Variants in ZSWIM5 observed in about 807,000 individuals in gnomAD.
ZSWIM5 encodes zinc finger SWIM domain-containing protein 5.
ZSWIM5 carries 55 observed loss-of-function variants against 119.6 expected under a neutral mutation model. That is an observed-to-expected ratio of 0.46 (90% CI 0.37 to 0.58). ZSWIM5 has a LOEUF of 0.58. ZSWIM5 is among the 20% of genes least tolerant of loss of function. The probability of loss-of-function intolerance (pLI) is 0.00; values close to 1 mark genes in which losing one functional copy is unlikely to be tolerated. For missense variants in ZSWIM5, 1,193 were observed against 1,512.8 expected, an observed-to-expected ratio of 0.79 and a Z score of 3.51; for synonymous variants, 537 against 606.9, an observed-to-expected ratio of 0.88 and a Z score of 1.69.
intron 4 of ZSWIM5, among the ~76,000 whole-genome samples, chr1:45,056,893 C>T (rs769165860): frequency 1.3e-5 from 2 of 152,092 alleles, no homozygotes; most frequent in African/African-American, 4.8e-5. Flanking sequence ...CATGTGTGAT[C>T]GGTCCCATTT....
intron 1 of ZSWIM5, among the ~76,000 whole-genome samples, chr1:45,115,052 C>G (rs141578964): frequency 2.1e-4 from 32 of 152,386 alleles, no homozygotes; most frequent in African/African-American, 7.7e-4. Flanking sequence ...TCTTTCCACA[C>G]AGACACAGTA....
intron 1 of ZSWIM5, among the ~76,000 whole-genome samples, chr1:45,158,053 A>G (rs1429595340): frequency 2.6e-5 from 4 of 152,166 alleles, no homozygotes; most frequent in South Asian, 4.1e-4. Flanking sequence ...TAGCTATCTT[A>G]AATACCAATT....
At chr1:45,127,927 A>C (rs1346207053) in intron 1 of ZSWIM5, among the ~76,000 whole-genome samples, 3 of 152,238 alleles carry the variant, frequency 2.0e-5, no homozygotes, top group African/African-American at 7.2e-5. Context: ...ATCTAACAAA[A>C]CATATACAGA....
intron 1 of ZSWIM5, among the ~76,000 whole-genome samples, chr1:45,091,326 T>A (rs969144040): frequency 6.6e-6 from 1 of 152,000 alleles, no homozygotes; most frequent in Non-Finnish European, 1.5e-5. Flanking sequence ...CATTAAAATT[T>A]CAAACTAAAT....
chr1:45,205,502 G>C (rs1171262449), intron 1 of ZSWIM5, among the ~76,000 whole-genome samples: 1 of 151,926 alleles, frequency 6.6e-6, no homozygotes, highest in Non-Finnish European at 1.5e-5. Context: ...TTGGTGTGGG[G>C]AATAGAAAGA....
In ZSWIM5 at chr1:45,046,752, G is replaced by A. The variant is rs184029587; in HGVS notation, c.1433-3357C>T. On this transcript the variant is annotated intron_variant, in intron 5 of 13. Coordinates refer to ENST00000359600, the MANE Select transcript of ZSWIM5 (RefSeq NM_020883.2). ...ATAGAAAGAGAGGTGGTAGCCAGGC[G>A]CGGTGGCTCATTCCTGTAATCCCAG... Among the ~76,000 whole-genome samples, 8 of 151,708 alleles carry A rather than the reference G, an allele frequency of 5.3e-5. No individual in the cohort carries two copies. In the South Asian group the frequency reaches 1.0e-3, roughly 20 times the overall value.
intron 1 of ZSWIM5, among the ~76,000 whole-genome samples, chr1:45,202,852 A>AC (rs1456577102): frequency 6.6e-6 from 1 of 152,050 alleles, no homozygotes; most frequent in Non-Finnish European, 1.5e-5. Flanking sequence ...AAAATGTTAA[A>AC]ACCGTTAGTA....
At chr1:45,097,517 A>G (rs998114943) in intron 1 of ZSWIM5, among the ~76,000 whole-genome samples, 10 of 152,198 alleles carry the variant, frequency 6.6e-5, no homozygotes, top group African/African-American at 2.4e-4. Context: ...CCTGAGACAT[A>G]ATCATTTCAC....
intron 1 of ZSWIM5, among the ~76,000 whole-genome samples, chr1:45,142,516 T>C (rs1304978216): frequency 6.6e-6 from 1 of 152,040 alleles, no homozygotes; most frequent in Non-Finnish European, 1.5e-5. Context: ...CATGCCTGGC[T>C]AATTTTTTGT....
rs150777062 is a variant in ZSWIM5 at position 45,168,037 on chromosome 1, T to C, written c.595+37719A>G. On this transcript the variant is annotated intron_variant, in intron 1 of 13. Coordinates refer to ENST00000359600, the MANE Select transcript of ZSWIM5 (RefSeq NM_020883.2). ...GACACATGCACACGTATGTTTACTG[T>C]GGCACTATTCACAATAGCAAAGACT... Among the ~76,000 whole-genome samples, 264 of 152,216 alleles carry C rather than the reference T, an allele frequency of 1.7e-3. 1 individual carries two copies. The highest frequency in any genetic ancestry group is 6.0e-3 in the African/African-American group (250 of 41,556).
chr1:45,176,668 A>G (rs2149047188), intron 1 of ZSWIM5, among the ~76,000 whole-genome samples: 1 of 151,932 alleles, frequency 6.6e-6, no homozygotes, highest in East Asian at 1.9e-4. Flanking sequence ...CCAATCTTTC[A>G]TTGCCACCAC....
At chr1:45,060,760 G>A (rs1050903374) in intron 2 of ZSWIM5, among the ~76,000 whole-genome samples, 3 of 152,042 alleles carry the variant, frequency 2.0e-5, no homozygotes, top group Admixed American at 6.6e-5. Context: ...TGGCAGCCTC[G>A]ACCTCCCAGG....
At chr1:45,119,165 C>T (rs1213998602) in intron 1 of ZSWIM5, among the ~76,000 whole-genome samples, 1 of 152,122 alleles carries the variant, frequency 6.6e-6, no homozygotes, top group Non-Finnish European at 1.5e-5. Flanking sequence ...CTAGCACTTA[C>T]CATGATTTGA....
At chr1:45,117,948 G>A (rs2149026570) in intron 1 of ZSWIM5, among the ~76,000 whole-genome samples, 1 of 152,212 alleles carries the variant, frequency 6.6e-6, no homozygotes, top group African/African-American at 2.4e-5. Flanking sequence ...AGTGGTTTTG[G>A]TAGTTGTTCA....
chr1:45,133,898 T>G (rs1570135513), intron 1 of ZSWIM5, among the ~76,000 whole-genome samples: 1 of 152,220 alleles, frequency 6.6e-6, no homozygotes, highest in East Asian at 1.9e-4. Flanking sequence ...TTTTGTCAGG[T>G]TTGTCAAAGA....
intron 1 of ZSWIM5, among the ~76,000 whole-genome samples, chr1:45,142,416 A>G (rs553911502): frequency 6.6e-6 from 1 of 152,206 alleles, no homozygotes; most frequent in East Asian, 1.9e-4. Flanking sequence ...CAGTGGCACA[A>G]TCATGGCTCA....
chr1:45,163,288 G>A lies in ZSWIM5; in HGVS notation c.595+42468C>T, dbSNP rs1351351566. Among the ~76,000 whole-genome samples the A allele has an allele frequency of 6.6e-5, 10 of 152,244 alleles. No individual in the cohort carries two copies. In the East Asian group the frequency reaches 1.7e-3, roughly 26 times the overall value. On this transcript the variant is annotated intron_variant, in intron 1 of 13. Coordinates refer to ENST00000359600, the MANE Select transcript of ZSWIM5 (RefSeq NM_020883.2). The stretch of plus-strand genomic sequence containing the variant: ...CTGTTAAAAGGAAAAGAAACAAACA[G>A]AAAGGACATCCACACCAAAACCCCA...
At chr1:45,051,623 A>G (rs1012815220) in intron 4 of ZSWIM5, among the ~76,000 whole-genome samples, 6 of 152,238 alleles carry the variant, frequency 3.9e-5, no homozygotes, top group African/African-American at 1.4e-4. Context: ...GAGACAGATA[A>G]ATAAACATAA....
chr1:45,139,009 G>A (rs959249173), intron 1 of ZSWIM5, among the ~76,000 whole-genome samples: 13 of 150,578 alleles, frequency 8.6e-5, no homozygotes, highest in African/African-American at 1.2e-4. Context: ...TTCCAGCCTC[G>A]TAGCTGGGAT....
Sources: gnomAD v4.1 joint callset for allele counts (sites outside exome capture counted in the v4.1 genomes callset) on GRCh38, gnomAD v4.1.1 for gene constraint, MANE v1.5 for transcripts, NCBI Gene and HGNC (gene_info 2026-07-23, HGNC 2026-07-21) for gene names.